RASGRF1: variants seen among roughly 807,000 people sequenced by gnomAD.
The protein encoded by RASGRF1 is Ras protein specific guanine nucleotide releasing factor 1.
Under a neutral mutation model 138.7 loss-of-function variants are expected in RASGRF1, and 40 were observed. The observed-to-expected ratio is 0.29, with a 90% CI of 0.22 to 0.38. The LOEUF (loss-of-function observed/expected upper bound fraction) is 0.38, where lower values mean the gene tolerates loss of function less well. RASGRF1 is among the 10% of genes least tolerant of loss of function. The pLI, the probability that RASGRF1 is intolerant of heterozygous loss-of-function variation, is 1.00. For synonymous variants in RASGRF1, 614 were observed against 663.2 expected (o/e 0.93, Z 1.14); for missense variants, 1,108 against 1,650.4 (o/e 0.67, Z 5.69).
intron 24 of RASGRF1, chr15:78,979,250 C>G: frequency 1.7e-6 from 2 of 1,184,750 alleles, no homozygotes; most frequent in Non-Finnish European, 2.2e-6. Context: ...CGATGGCACA[C>G]AGAGCTGGCA....
At chr15:78,998,856 G>A (rs1340785933) in intron 17 of RASGRF1, 31 bp from the exon 18 acceptor site, 8 of 1,532,388 alleles carry the variant, frequency 5.2e-6, no homozygotes, top group Admixed American at 1.7e-5. Context: ...GGGGAGAGAG[G>A]ACAGGTGAGG....
At chr15:79,074,564 G>A (rs2057806663) in intron 1 of RASGRF1, among the ~76,000 whole-genome samples, 1 of 152,176 alleles carries the variant, frequency 6.6e-6, no homozygotes, top group South Asian at 2.1e-4. Flanking sequence ...AAGGTGCCAT[G>A]GGCTGTGTAG....
chr15:79,031,818 G>T (rs1047058477), intron 7 of RASGRF1, among the ~76,000 whole-genome samples: 12 of 152,076 alleles, frequency 7.9e-5, no homozygotes, highest in African/African-American at 2.9e-4. Flanking sequence ...AACTGAGGAA[G>T]GAGATAGGCT....
At chr15:79,013,756 T>G (rs1391683802) in intron 13 of RASGRF1, among the ~76,000 whole-genome samples, 1 of 152,118 alleles carries the variant, frequency 6.6e-6, no homozygotes, top group Non-Finnish European at 1.5e-5. Context: ...TGCAGGTGAC[T>G]GCAAGAGAAT....
At chr15:79,056,343 C>T (rs1167693329) in intron 3 of RASGRF1, among the ~76,000 whole-genome samples, 1 of 152,148 alleles carries the variant, frequency 6.6e-6, no homozygotes, top group African/African-American at 2.4e-5. Context: ...GGACTCCTTC[C>T]CTGATCCCAT....
chr15:79,001,738 A>G lies in RASGRF1; in HGVS notation c.2499T>C (p.Ser833=), dbSNP rs371905014. The G allele has an allele frequency of 4.3e-6, 7 of 1,609,642 alleles. No homozygotes were observed. In the African/African-American group the frequency reaches 8.0e-5, roughly 18 times the overall value. The change falls in exon 16 of 27, where the codon AGT becomes AGC. Residue 833 remains serine (S), a synonymous_variant. Coordinates refer to ENST00000558480, the MANE Select transcript of RASGRF1 (RefSeq NM_001145648.3). ...GTGATGTTTCAGTATCACCATCATCACTCTGGTTTTGATCAATATCTGACT... is the reference window on the plus strand; with the variant it reads ...GTGATGTTTCAGTATCACCATCATCGCTCTGGTTTTGATCAATATCTGACT... The part of the protein sequence containing the change: ...REESDIDQNQ[S]DDGDTETSPT...
chr15:79,066,606 A>G (rs2057684329), intron 1 of RASGRF1, among the ~76,000 whole-genome samples: 1 of 152,172 alleles, frequency 6.6e-6, no homozygotes, highest in East Asian at 1.9e-4. Flanking sequence ...GCATGGGGTG[A>G]TGGGCTTGGC....
intron 13 of RASGRF1, among the ~76,000 whole-genome samples, chr15:79,008,261 T>C (rs938725931): frequency 2.0e-5 from 3 of 152,222 alleles, no homozygotes; most frequent in African/African-American, 4.8e-5. Flanking sequence ...TTGGAAGCAT[T>C]CTTGGGATTT....
chr15:78,991,863 G>A (rs1454694872), intron 20 of RASGRF1, 69 bp from the exon 21 acceptor site: 2 of 1,283,750 alleles, frequency 1.6e-6, no homozygotes, highest in Non-Finnish European at 2.3e-6. Flanking sequence ...ATTCCCAGCT[G>A]CCTCTGTGGG....
chr15:79,047,141 T>C (rs529794166), intron 4 of RASGRF1, 142 bp from the exon 5 acceptor site: 51 of 1,036,568 alleles, frequency 4.9e-5, no homozygotes, highest in South Asian at 3.6e-4. Flanking sequence ...AGCTCAGATG[T>C]AGACCAGGCA....
intron 1 of RASGRF1, among the ~76,000 whole-genome samples, chr15:79,088,507 C>G (rs1443111151): frequency 6.6e-6 from 1 of 152,218 alleles, no homozygotes; most frequent in Non-Finnish European, 1.5e-5. Context: ...GAGATTCAGT[C>G]TCAGGCCTGT....
intron 3 of RASGRF1, among the ~76,000 whole-genome samples, chr15:79,055,348 G>T (rs1159980676): frequency 6.6e-6 from 1 of 152,146 alleles, no homozygotes. Context: ...CCTGCAGGAC[G>T]TGTTTGTGCA....
At chr15:78,998,662 C>T in intron 18 of RASGRF1, 57 bp downstream of exon 18, 2 of 1,434,618 alleles carry the variant, frequency 1.4e-6, no homozygotes, top group Non-Finnish European at 2.0e-6. Context: ...GCAGCTGGTT[C>T]CTGGGGCCAT....
At chr15:78,994,900 C>T (rs1024446368) in intron 20 of RASGRF1, among the ~76,000 whole-genome samples, 4 of 148,856 alleles carry the variant, frequency 2.7e-5, no homozygotes, top group Non-Finnish European at 5.9e-5. Flanking sequence ...CTTGAGGCTT[C>T]GGAGGGAGCA....
At chr15:79,022,902 C>T (rs998899456) in intron 10 of RASGRF1, among the ~76,000 whole-genome samples, 8 of 152,148 alleles carry the variant, frequency 5.3e-5, no homozygotes, top group Admixed American at 2.6e-4. Flanking sequence ...GGGCCGGGCG[C>T]GGTGGCTCAC....
intron 18 of RASGRF1, among the ~76,000 whole-genome samples, chr15:78,998,435 G>C (rs2056443162): frequency 4.6e-5 from 7 of 152,198 alleles, no homozygotes; most frequent in Admixed American, 3.9e-4. Flanking sequence ...CTTTCAGCTG[G>C]CTGCACCCCT....
intron 2 of RASGRF1, among the ~76,000 whole-genome samples, chr15:79,062,905 C>T (rs2057626962): frequency 6.7e-6 from 1 of 149,762 alleles, no homozygotes; most frequent in South Asian, 2.1e-4. Context: ...ATTCTCTTTC[C>T]TGTATCAGCA....
intron 15 of RASGRF1, among the ~76,000 whole-genome samples, chr15:79,003,007 C>T (rs555850300): frequency 1.3e-4 from 19 of 151,922 alleles, no homozygotes; most frequent in African/African-American, 2.9e-4. Context: ...GTGGCCTGTT[C>T]GGATCTAAAT....
At position 79,005,512 on chromosome 15, in the gene RASGRF1, A is replaced by G. The variant is rs1228048337; in HGVS notation, c.2075+674T>C. ...CACCTACCATTCCTGGATGCAGTGA[A>G]GTCCATTAGGGGCCTGAGCCAATCC... On this transcript the variant is annotated intron_variant, in intron 14 of 26. Transcript: ENST00000558480. The G allele has an allele frequency of 3.0e-6, 3 of 985,286 alleles. No individual in the cohort carries two copies. In the African/African-American group the frequency reaches 5.2e-5, roughly 17 times the overall value. 61.0% of individuals were successfully genotyped at this position (985,286 alleles called of 1,614,324 possible). A position where few individuals can be genotyped will look rare whatever the true frequency, so the allele number is the denominator to read the frequency against.
Sources: gnomAD v4.1 joint callset for allele counts (sites outside exome capture counted in the v4.1 genomes callset) on GRCh38, gnomAD v4.1.1 for gene constraint, MANE v1.5 for transcripts, NCBI Gene and HGNC (gene_info 2026-07-23, HGNC 2026-07-21) for gene names.